Variants in GCNT4 observed in about 807,000 individuals in gnomAD.
The protein encoded by GCNT4 is beta-1,3-galactosyl-O-glycosyl-glycoprotein beta-1,6-N-acetylglucosaminyltransferase 4.
GCNT4 carries 17 observed loss-of-function variants against 31.3 expected under a neutral mutation model. That is an observed-to-expected ratio of 0.54 (90% CI 0.37 to 0.81). The LOEUF is 0.81. Among genes scored for constraint, GCNT4 ranks in the 40% least tolerant of loss-of-function variants. The pLI is 0.00. For synonymous variants in GCNT4, 158 were observed against 190.6 expected, an observed-to-expected ratio of 0.83 and a Z score of 1.41; for missense variants, 503 against 525.5, an observed-to-expected ratio of 0.96 and a Z score of 0.42.
At chr5:75,046,542 G>C (rs779091876) in intron 3 of GCNT4, among the ~76,000 whole-genome samples, 1 of 152,142 alleles carries the variant, frequency 6.6e-6, no homozygotes, top group Non-Finnish European at 1.5e-5. Context: ...AAATGTCAGG[G>C]CTTGCAGACT....
In GCNT4 at chr5:75,029,806, C is replaced by T. The variant is rs1335954145; in HGVS notation, c.232G>A (p.Glu78Lys). The T allele has an allele frequency of 1.2e-6, 2 of 1,614,094 alleles. No individual in the cohort carries two copies. The highest frequency in any genetic ancestry group is 2.2e-5 in the South Asian group (2 of 91,062). ...RYEVNCSGIYEQEPLEIGKSL... is the reference protein window; with the variant it reads ...RYEVNCSGIYKQEPLEIGKSL... ...TTTCCAATTTCCAAAGGCTCCTGTTCATAGATACCCGAACAGTTAACTTCA... is the reference window on the plus strand; with the variant it reads ...TTTCCAATTTCCAAAGGCTCCTGTTTATAGATACCCGAACAGTTAACTTCA... Residue 78 changes from glutamate (E) to lysine (K), a missense_variant, in exon 4 of 4, where the codon GAA (glutamate) becomes AAA (lysine). Glu to Lys is a moderately conservative substitution (Grantham distance 56, BLOSUM62 1). Transcript: ENST00000652361.
upstream of GCNT4, among the ~76,000 whole-genome samples, chr5:75,053,256 G>A (rs1483365022): frequency 1.3e-5 from 2 of 151,984 alleles, no homozygotes; most frequent in East Asian, 3.9e-4. Context: ...GTGTCCGTCC[G>A]CCGCGCGCTC....
downstream of GCNT4, among the ~76,000 whole-genome samples, chr5:75,023,328 A>T (rs1742901883): frequency 6.6e-6 from 1 of 152,226 alleles, no homozygotes; most frequent in Non-Finnish European, 1.5e-5. Context: ...TAGAGGCTGT[A>T]GTTGTATACA....
chr5:75,043,175 G>A (rs1439612622), intron 3 of GCNT4, among the ~76,000 whole-genome samples: 2 of 152,186 alleles, frequency 1.3e-5, no homozygotes, highest in Non-Finnish European at 2.9e-5. Context: ...AAGTGTCTAA[G>A]CCAACTTATA....
At chr5:75,031,223 T>C (rs1198464942) in intron 3 of GCNT4, among the ~76,000 whole-genome samples, 2 of 152,052 alleles carry the variant, frequency 1.3e-5, no homozygotes, top group East Asian at 3.9e-4. Flanking sequence ...CACAGGTGTG[T>C]GCCACCATGC....
chr5:75,043,007 C>A (rs1743353899), intron 3 of GCNT4, among the ~76,000 whole-genome samples: 1 of 152,170 alleles, frequency 6.6e-6, no homozygotes, highest in East Asian at 1.9e-4. Context: ...TTTCAACCTA[C>A]CAAAAGTCAA....
chr5:75,024,093 C>T (rs1448885628), downstream of GCNT4, among the ~76,000 whole-genome samples: 1 of 152,210 alleles, frequency 6.6e-6, no homozygotes, highest in Non-Finnish European at 1.5e-5. Context: ...TATTCATTCT[C>T]TCTTGCCACA....
downstream of GCNT4, among the ~76,000 whole-genome samples, chr5:75,020,661 A>G (rs529437232): frequency 7.6e-4 from 115 of 152,202 alleles, no homozygotes; most frequent in Non-Finnish European, 1.2e-3. Context: ...CAAGCAGGAC[A>G]TTTGGCATAG....
chr5:75,053,597 G>C (rs914639931), upstream of GCNT4, among the ~76,000 whole-genome samples: 2 of 152,098 alleles, frequency 1.3e-5, no homozygotes, highest in East Asian at 3.9e-4. Context: ...TGCGCTCTGG[G>C]TTCCCAGGCT....
intron 2 of GCNT4, among the ~76,000 whole-genome samples, chr5:75,049,885 A>G (rs1441877723): frequency 1.3e-5 from 2 of 152,236 alleles, no homozygotes; most frequent in Non-Finnish European, 2.9e-5. Flanking sequence ...CAGATTCTAC[A>G]ACCAGAAATG....
intron 1 of GCNT4, 96 bp from the exon 2 acceptor site, chr5:75,052,323 A>T (rs1302448733): frequency 6.6e-6 from 1 of 151,952 alleles, no homozygotes; most frequent in Non-Finnish European, 1.5e-5. Context: ...CTGCCTGCCC[A>T]ACGAGGGGAC....
chr5:75,040,017 T>C (rs1230334598), intron 3 of GCNT4, among the ~76,000 whole-genome samples: 3 of 152,154 alleles, frequency 2.0e-5, no homozygotes. Context: ...CTCATAAAAC[T>C]CTAAGCAACA....
At position 75,029,440 on chromosome 5, in the gene GCNT4, T is replaced by A. The variant is rs759590354; in HGVS notation, c.598A>T (p.Ile200Phe). 5 of 1,614,028 alleles carry A rather than the reference T, an allele frequency of 3.1e-6. No individual in the cohort carries two copies. The highest frequency in any genetic ancestry group is 4.2e-6 in the Non-Finnish European group (5 of 1,180,034). The change falls in exon 4 of 4, where the codon ATT becomes TTT. Residue 200 changes from isoleucine to phenylalanine, a missense_variant. Coordinates refer to ENST00000652361, the MANE Select transcript of GCNT4 (RefSeq NM_001366737.1). ...SKLEAVEYAH[I>F]SRLQADLNCL... ...TTTAAATCAGCCTGGAGTCTGGAAATGTGGGCATATTCCACAGCCTCTAAT... is the reference window on the plus strand; with the variant it reads ...TTTAAATCAGCCTGGAGTCTGGAAAAGTGGGCATATTCCACAGCCTCTAAT...
chr5:75,032,557 T>C (rs1743087778), intron 3 of GCNT4, among the ~76,000 whole-genome samples: 1 of 152,148 alleles, frequency 6.6e-6, no homozygotes, highest in South Asian at 2.1e-4. Context: ...ATCCATCCTT[T>C]CTTCTCCATC....
In GCNT4 at chr5:75,028,515, T is replaced by A; in HGVS notation, c.*161A>T. ...AAAAACCTAGCCAACTGCAGGCTAA[T>A]AACATCAAAGGCTAGATCACTTTCC... On this transcript the variant is annotated 3_prime_UTR_variant, in exon 4 of 4. Coordinates refer to ENST00000652361, the MANE Select transcript of GCNT4 (RefSeq NM_001366737.1). The A allele has an allele frequency of 1.5e-6, 1 of 654,192 alleles. No homozygotes were observed. The highest frequency in any genetic ancestry group is 2.5e-6 in the Non-Finnish European group (1 of 404,260). The allele number at this position is 654,192 out of a possible 1,614,324, so 40.5% of individuals were successfully genotyped here.
Position 75,027,356 on chromosome 5 carries a change from T to C in GCNT4, c.*1320A>G, listed in dbSNP as rs1370003614. On this transcript the variant is annotated 3_prime_UTR_variant, in exon 4 of 4. Transcript: ENST00000652361. ...ATATACAATATATGTATATATAATA[T>C]ATATATTTATATATTATATATGTAA... The C allele has an allele frequency of 4.3e-3, 2 of 460 alleles. No individual in the cohort carries two copies. The highest frequency in any genetic ancestry group is 0.5 in the Middle Eastern group (1 of 2). 0.0% of individuals were successfully genotyped at this position (460 alleles called of 1,614,324 possible). A position where few individuals can be genotyped will look rare whatever the true frequency, so the allele number is the denominator to read the frequency against.
downstream of GCNT4, among the ~76,000 whole-genome samples, chr5:75,024,278 CCT>C (rs1398747526): frequency 5.3e-5 from 8 of 152,166 alleles, no homozygotes; most frequent in African/African-American, 7.2e-5. Flanking sequence ...AAAATAGTCC[CCT>C]GTTCCTGAAA....
Position 75,027,362 on chromosome 5 carries a change from T to TG in GCNT4, c.*1313_*1314insC, listed in dbSNP as rs1491160619. 1 of 2,172 alleles carries TG rather than the reference T, an allele frequency of 4.6e-4. No homozygotes were observed. Among genetic ancestry groups the TG allele is most frequent in the East Asian group, 0.014 (1 of 72 alleles). 0.1% of individuals were successfully genotyped at this position (2,172 alleles called of 1,614,324 possible). A position where few individuals can be genotyped will look rare whatever the true frequency, so the allele number is the denominator to read the frequency against. Reference sequence around the variant, plus strand: ...AATATATGTATATATAATATATATATTTATATATTATATATGTAATGGAAT... The same window carrying TG: ...AATATATGTATATATAATATATATATGTTATATATTATATATGTAATGGAAT... On this transcript the variant is annotated 3_prime_UTR_variant, in exon 4 of 4. Coordinates refer to ENST00000652361, the MANE Select transcript of GCNT4 (RefSeq NM_001366737.1).
chr5:75,035,018 G>A (rs1370203969), intron 3 of GCNT4, among the ~76,000 whole-genome samples: 7 of 40,900 alleles, frequency 1.7e-4, no homozygotes, highest in African/African-American at 5.5e-4. Context: ...CCAGCTAAGC[G>A]GACACGACCG....
Sources: gnomAD v4.1 joint callset for allele counts (sites outside exome capture counted in the v4.1 genomes callset) on GRCh38, gnomAD v4.1.1 for gene constraint, MANE v1.5 for transcripts, NCBI Gene and HGNC (gene_info 2026-07-23, HGNC 2026-07-21) for gene names.